The following PLXDC2 variants were observed in gnomAD, a reference collection of about 807,000 sequenced individuals.
The protein encoded by PLXDC2 is plexin domain-containing protein 2.
Under a neutral mutation model 68.9 loss-of-function variants are expected in PLXDC2, and 40 were observed. The ratio of observed to expected loss-of-function variants is 0.58; its 90% CI spans 0.45 to 0.76. The LOEUF is 0.76. Ranked by LOEUF, PLXDC2 falls within the 30% of genes least tolerant of loss-of-function variation. The pLI, the probability that PLXDC2 is intolerant of heterozygous loss-of-function variation, is 0.00. For missense variants in PLXDC2, 644 were observed against 661.9 expected, an observed-to-expected ratio of 0.97 and a Z score of 0.30; for synonymous variants, 243 against 234.2, an observed-to-expected ratio of 1.04 and a Z score of -0.34.
chr10:19,864,117 C>G (rs182416228), intron 1 of PLXDC2, among the ~76,000 whole-genome samples: 2 of 152,270 alleles, frequency 1.3e-5, no homozygotes, highest in East Asian at 1.9e-4. Flanking sequence ...TCTCCCACCT[C>G]TGCCTCCTGA....
intron 1 of PLXDC2, among the ~76,000 whole-genome samples, chr10:19,952,143 A>C (rs1589553364): frequency 6.6e-6 from 1 of 152,304 alleles, no homozygotes; most frequent in Non-Finnish European, 1.5e-5. Flanking sequence ...CTGAATCTAA[A>C]ATAAAAGTTG....
At chr10:20,135,820 A>T (rs1833926115) in intron 4 of PLXDC2, among the ~76,000 whole-genome samples, 1 of 152,206 alleles carries the variant, frequency 6.6e-6, no homozygotes, top group Admixed American at 6.5e-5. Context: ...AGTCTATGAC[A>T]TGTGATATAT....
intron 1 of PLXDC2, among the ~76,000 whole-genome samples, chr10:19,991,665 C>T (rs1185915564): frequency 6.6e-6 from 1 of 151,956 alleles, no homozygotes; most frequent in African/African-American, 2.4e-5. Flanking sequence ...GGATTCCAAC[C>T]CCACAAACTG....
chr10:19,960,058 T>C (rs1323339756), intron 1 of PLXDC2, among the ~76,000 whole-genome samples: 2 of 151,518 alleles, frequency 1.3e-5, no homozygotes, highest in African/African-American at 4.9e-5. Context: ...GGAGAAGGGG[T>C]TTAAATTGCA....
At chr10:20,013,140 A>C (rs1163668753) in intron 2 of PLXDC2, among the ~76,000 whole-genome samples, 1 of 152,204 alleles carries the variant, frequency 6.6e-6, no homozygotes, top group East Asian at 1.9e-4. Flanking sequence ...TTTAGATAAT[A>C]TCTAGAGATT....
chr10:19,976,337 C>G (rs1457869394), intron 1 of PLXDC2, among the ~76,000 whole-genome samples: 1 of 152,166 alleles, frequency 6.6e-6, no homozygotes, highest in East Asian at 1.9e-4. Flanking sequence ...CCTCAGCCTC[C>G]CGAGTAGCTG....
At chr10:20,206,339 G>C (rs1834991205) in intron 9 of PLXDC2, among the ~76,000 whole-genome samples, 1 of 152,110 alleles carries the variant, frequency 6.6e-6, no homozygotes, top group African/African-American at 2.4e-5. Flanking sequence ...TAGTATAATA[G>C]TGGACATTTG....
chr10:20,236,201 G>A (rs1835430088), intron 12 of PLXDC2, among the ~76,000 whole-genome samples: 1 of 151,990 alleles, frequency 6.6e-6, no homozygotes, highest in African/African-American at 2.4e-5. Context: ...CAGCACTTTG[G>A]GAGGCTGAGG....
At chr10:19,964,108 G>A (rs1834207394) in intron 1 of PLXDC2, among the ~76,000 whole-genome samples, 3 of 152,176 alleles carry the variant, frequency 2.0e-5, no homozygotes, top group African/African-American at 7.2e-5. Context: ...GACTCTCTGA[G>A]GAAAGAAAAA....
chr10:20,106,827 GT>G (rs1479647287), intron 4 of PLXDC2, among the ~76,000 whole-genome samples: 2 of 151,612 alleles, frequency 1.3e-5, no homozygotes, highest in African/African-American at 4.8e-5. Flanking sequence ...TACCACATAT[GT>G]TATATGCTTT....
chr10:20,161,743 A>G (rs1443672619), intron 6 of PLXDC2, among the ~76,000 whole-genome samples: 1 of 152,056 alleles, frequency 6.6e-6, no homozygotes, highest in African/African-American at 2.4e-5. Context: ...CAGAAAAGGT[A>G]GAATGCGGCT....
intron 13 of PLXDC2, among the ~76,000 whole-genome samples, chr10:20,255,194 T>C (rs1465456695): frequency 7.5e-5 from 8 of 106,940 alleles, no homozygotes; most frequent in Non-Finnish European, 1.4e-4. Context: ...GGTGGATGGA[T>C]AGATAGATAG....
At chr10:20,169,619 G>C (rs1341012984) in intron 7 of PLXDC2, among the ~76,000 whole-genome samples, 1 of 152,126 alleles carries the variant, frequency 6.6e-6, no homozygotes, top group Non-Finnish European at 1.5e-5. Flanking sequence ...TCTGTGGGGT[G>C]CTGACTTATC....
At chr10:20,192,690 A>G (rs1474455743) in intron 9 of PLXDC2, among the ~76,000 whole-genome samples, 1 of 152,046 alleles carries the variant, frequency 6.6e-6, no homozygotes, top group East Asian at 1.9e-4. Flanking sequence ...AGCCAGACAC[A>G]TGACCTATGA....
chr10:20,145,136 G>C (rs1834055660), intron 5 of PLXDC2, among the ~76,000 whole-genome samples: 1 of 152,108 alleles, frequency 6.6e-6, no homozygotes, highest in Non-Finnish European at 1.5e-5. Flanking sequence ...CATACGTAAA[G>C]TGAGTTTTAT....
intron 4 of PLXDC2, among the ~76,000 whole-genome samples, chr10:20,086,418 C>T (rs919314643): frequency 2.0e-5 from 3 of 151,690 alleles, no homozygotes; most frequent in Admixed American, 6.6e-5. Flanking sequence ...TCTCAAACTC[C>T]TTGCTTCAAG....
intron 1 of PLXDC2, among the ~76,000 whole-genome samples, chr10:19,887,735 AGTGGC>A (rs1335063132): frequency 6.6e-6 from 1 of 152,210 alleles, no homozygotes; most frequent in African/African-American, 2.4e-5. Flanking sequence ...AAATATCGAT[AGTGGC>A]ATAGACAGTA....
At chr10:20,081,276 C>CCAGGGAGGGGAATAGGAAG (rs1836551886) in intron 4 of PLXDC2, among the ~76,000 whole-genome samples, 1 of 151,980 alleles carries the variant, frequency 6.6e-6, no homozygotes, top group Non-Finnish European at 1.5e-5. Flanking sequence ...AATGCTATAT[C>CCAGGGAGGGGAATAGGAAG]CAGGGAGGGG....
Position 20,287,149 on chromosome 10 carries a change from T to C in PLXDC2, c.*7330T>C, listed in dbSNP as rs1029763472. On this transcript the variant is annotated 3_prime_UTR_variant, in exon 14 of 14. Transcript: ENST00000377252. ...GCAAGCAATGCTGAGACCCCTGACATAGAGAAAGCAAAGGATATGCCTATG... is the reference window on the plus strand; with the variant it reads ...GCAAGCAATGCTGAGACCCCTGACACAGAGAAAGCAAAGGATATGCCTATG... 1.3e-5 allele frequency: 2 copies of C among 152,228 alleles called. No homozygotes were observed. Among genetic ancestry groups the C allele is most frequent in the African/African-American group, 2.4e-5 (1 of 41,428 alleles). The allele number at this position is 152,228 out of a possible 1,614,324, so 9.4% of individuals were successfully genotyped here. A position where few individuals can be genotyped will look rare whatever the true frequency, so the allele number is the denominator to read the frequency against.
Sources: allele counts gnomAD v4.1 joint callset (sites outside exome capture counted in the v4.1 genomes callset), GRCh38; gene constraint gnomAD v4.1.1; transcripts MANE v1.5; gene names NCBI Gene and HGNC (gene_info 2026-07-23, HGNC 2026-07-21).